MAML2: variants seen among roughly 807,000 people sequenced by gnomAD.
The protein encoded by MAML2 is mastermind like transcriptional coactivator 2.
MAML2 carries 22 observed loss-of-function variants against 96.1 expected under a neutral mutation model. The observed-to-expected ratio is 0.23, with a 90% CI of 0.16 to 0.33. The LOEUF is 0.33. MAML2 is among the 10% of genes least tolerant of loss of function. The probability of loss-of-function intolerance (pLI) is 1.00; values close to 1 mark genes in which losing one functional copy is unlikely to be tolerated. For synonymous variants in MAML2, 561 were observed against 521.3 expected (o/e 1.08, Z -1.04); for missense variants, 1,367 against 1,392.4 (o/e 0.98, Z 0.29).
At chr11:96,230,800 A>G (rs763288043) in intron 1 of MAML2, among the ~76,000 whole-genome samples, 163 of 152,224 alleles carry the variant, frequency 1.1e-3, no homozygotes, top group Non-Finnish European at 2.1e-3. Flanking sequence ...TGTGTGTAGA[A>G]TATATTTGAC....
At chr11:96,043,643 C>G (rs564195490) in intron 2 of MAML2, among the ~76,000 whole-genome samples, 1 of 152,194 alleles carries the variant, frequency 6.6e-6, no homozygotes. Flanking sequence ...CTGGTTAAAA[C>G]AACAACAAAA....
intron 1 of MAML2, among the ~76,000 whole-genome samples, chr11:96,293,716 T>C (rs1863247867): frequency 6.6e-6 from 1 of 152,166 alleles, no homozygotes; most frequent in African/African-American, 2.4e-5. Flanking sequence ...TTTGATACTA[T>C]GCCATTTTCA....
intron 1 of MAML2, among the ~76,000 whole-genome samples, chr11:96,239,136 A>T (rs1323865714): frequency 6.6e-6 from 1 of 152,236 alleles, no homozygotes; most frequent in Non-Finnish European, 1.5e-5. Flanking sequence ...AAACTTTAAC[A>T]TGATGATACA....
chr11:95,985,341 G>A (rs1857808399), intron 4 of MAML2, among the ~76,000 whole-genome samples, 190 bp downstream of exon 4: 1 of 152,180 alleles, frequency 6.6e-6, no homozygotes, highest in African/African-American at 2.4e-5. Context: ...TGAGTACAGG[G>A]CATGACTAAG....
chr11:96,069,143 G>T (rs185760906), intron 2 of MAML2, among the ~76,000 whole-genome samples: 1 of 151,896 alleles, frequency 6.6e-6, no homozygotes, highest in South Asian at 2.1e-4. Context: ...GTGCAGGCTG[G>T]TCTGTAACTT....
At chr11:96,111,232 A>G (rs1565217934) in intron 1 of MAML2, among the ~76,000 whole-genome samples, 1 of 151,994 alleles carries the variant, frequency 6.6e-6, no homozygotes, top group Non-Finnish European at 1.5e-5. Context: ...ATTAAGTAAC[A>G]CCCTTTTTTC....
At chr11:96,221,027 T>G (rs772898343) in intron 1 of MAML2, among the ~76,000 whole-genome samples, 19 of 152,206 alleles carry the variant, frequency 1.2e-4, no homozygotes, top group Non-Finnish European at 2.1e-4. Flanking sequence ...TGAGAAAGTA[T>G]TTATTCAACA....
chr11:96,010,677 C>T (rs989562279), intron 2 of MAML2, among the ~76,000 whole-genome samples: 1 of 152,064 alleles, frequency 6.6e-6, no homozygotes, highest in Non-Finnish European at 1.5e-5. Flanking sequence ...ATGTAAAACA[C>T]AAGAAAAGTT....
intron 1 of MAML2, among the ~76,000 whole-genome samples, chr11:96,116,643 A>G (rs1481503814): frequency 6.6e-6 from 1 of 152,246 alleles, no homozygotes; most frequent in Non-Finnish European, 1.5e-5. Flanking sequence ...ATTGGGAGGA[A>G]GAAGGTGGGA....
chr11:95,979,193 T>C lies in MAML2; in HGVS notation c.3226A>G (p.Ile1076Val), dbSNP rs1186109064. ...GTGLNQSRTG[I>V]NQPPSLTPSN... ...GGCGTCAGGGATGGTGGCTGGTTGA[T>C]GCCCGTCCTCGACTGATTCAACCCT... The change falls in exon 5 of 5, where the codon ATC becomes GTC. Residue 1076 changes from isoleucine (I) to valine (V), a missense_variant. Coordinates refer to ENST00000524717, the MANE Select transcript of MAML2 (RefSeq NM_032427.4). 1.2e-6 allele frequency: 2 copies of C among 1,614,012 alleles called. No homozygotes were observed. The highest frequency in any genetic ancestry group is 1.7e-6 in the Non-Finnish European group (2 of 1,179,890).
At chr11:96,139,394 G>C (rs995959806) in intron 1 of MAML2, among the ~76,000 whole-genome samples, 1 of 151,480 alleles carries the variant, frequency 6.6e-6, no homozygotes, top group Non-Finnish European at 1.5e-5. Context: ...GGAGAATGGC[G>C]TGAACCTGGG....
intron 1 of MAML2, among the ~76,000 whole-genome samples, chr11:96,098,618 A>T (rs1466173319): frequency 6.6e-6 from 1 of 152,244 alleles, no homozygotes; most frequent in Non-Finnish European, 1.5e-5. Context: ...GAGATCCAGC[A>T]AACTGTTTCT....
intron 1 of MAML2, among the ~76,000 whole-genome samples, chr11:96,266,118 T>G (rs962195814): frequency 3.3e-5 from 5 of 152,152 alleles, no homozygotes; most frequent in Non-Finnish European, 7.3e-5. Flanking sequence ...CCCCACAGCC[T>G]GCCCGTATGT....
intron 4 of MAML2, among the ~76,000 whole-genome samples, chr11:95,983,866 T>C (rs949495440): frequency 6.6e-6 from 1 of 152,166 alleles, no homozygotes; most frequent in African/African-American, 2.4e-5. Context: ...AAAAAATTAA[T>C]GTAAAAGTTA....
intron 1 of MAML2, among the ~76,000 whole-genome samples, chr11:96,158,934 T>A (rs1313629945): frequency 4.6e-5 from 7 of 152,186 alleles, no homozygotes; most frequent in South Asian, 2.1e-4. Context: ...GGTGTGCCTT[T>A]GGGCCCCTCT....
At chr11:96,327,926 T>C (rs1257916804) in intron 1 of MAML2, among the ~76,000 whole-genome samples, 1 of 151,754 alleles carries the variant, frequency 6.6e-6, no homozygotes, top group Non-Finnish European at 1.5e-5. Context: ...TGAAACCCCA[T>C]CTCTACTAAA....
intron 2 of MAML2, among the ~76,000 whole-genome samples, chr11:95,998,118 A>ATCTGTCTGTCTG (rs1176144247): frequency 1.6e-5 from 2 of 125,372 alleles, no homozygotes; most frequent in Admixed American, 1.6e-4. Flanking sequence ...CCACTTTTCT[A>ATCTGTCTGTCTG]TCTATCTGTC....
intron 1 of MAML2, among the ~76,000 whole-genome samples, chr11:96,199,523 A>AT (rs71459792): frequency 0.055 from 7,869 of 143,676 alleles, 316 homozygotes; most frequent in African/African-American, 0.12. Context: ...GTTTCAGATA[A>AT]TTTTTTTTTT....
At chr11:96,028,271 T>G (rs1484579856) in intron 2 of MAML2, among the ~76,000 whole-genome samples, 1 of 152,216 alleles carries the variant, frequency 6.6e-6, no homozygotes, top group Non-Finnish European at 1.5e-5. Flanking sequence ...CACCATTGCA[T>G]GTGCTGTTCT....
Sources: gnomAD v4.1 joint callset for allele counts (sites outside exome capture counted in the v4.1 genomes callset) on GRCh38, gnomAD v4.1.1 for gene constraint, MANE v1.5 for transcripts, NCBI Gene and HGNC (gene_info 2026-07-23, HGNC 2026-07-21) for gene names.